Variants in ZNF646 observed in about 807,000 individuals in gnomAD.
ZNF646 encodes zinc finger protein 646.
In ZNF646, 49 loss-of-function variants were observed where a neutral mutation model predicts 115.4. That is an observed-to-expected ratio of 0.42 (90% CI 0.34 to 0.54). ZNF646 has a LOEUF of 0.54. Among genes scored for constraint, ZNF646 ranks in the 20% least tolerant of loss-of-function variants. The pLI, the probability that ZNF646 is intolerant of heterozygous loss-of-function variation, is 0.04. For missense variants in ZNF646, 2,269 were observed against 2,457.9 expected, an observed-to-expected ratio of 0.92 and a Z score of 1.62; for synonymous variants, 933 against 939.0, an observed-to-expected ratio of 0.99 and a Z score of 0.12.
In ZNF646 at chr16:31,080,545, G is replaced by C; in HGVS notation, c.4221G>C (p.Glu1407Asp). The change falls in exon 2 of 3, where the codon GAG becomes GAC. Residue 1407 changes from glutamate to aspartate, a missense_variant. Physicochemically the swap from Glu to Asp is conservative, Grantham distance 45. Coordinates refer to ENST00000300850, the MANE Select transcript of ZNF646 (RefSeq NM_014699.4). ...QGGLDGTAAS[E>D]ANLTGSQGLE... Reference sequence around the variant, plus strand: ...GCCTGGATGGCACAGCGGCCAGTGAGGCGAACCTGACTGGCAGCCAGGGAC... The same window carrying C: ...GCCTGGATGGCACAGCGGCCAGTGACGCGAACCTGACTGGCAGCCAGGGAC... 1 of 1,614,090 alleles carries C rather than the reference G, an allele frequency of 6.2e-7. No homozygotes were observed. Among genetic ancestry groups the C allele is most frequent in the Non-Finnish European group, 8.5e-7 (1 of 1,180,038 alleles).
At chr16:31,074,775 A>C (rs998809575) in intron 1 of ZNF646, 144 bp downstream of exon 1, 1 of 152,142 alleles carries the variant, frequency 6.6e-6, no homozygotes, top group Non-Finnish European at 1.5e-5. Context: ...AGAGGACTTC[A>C]TTGGTGGTTG....
Position 31,079,587 on chromosome 16 carries a change from A to G in ZNF646, c.3263A>G (p.Tyr1088Cys). ...DFLCPVCSRC[Y>C]PNLAAYRNHL... ...CTCTGCCCTGTCTGCTCCCGCTGCT[A>G]CCCCAACCTGGCTGCCTACCGTAAT... is the stretch of plus-strand genomic sequence containing the variant. The change falls in exon 2 of 3, where the codon TAC (tyrosine) becomes TGC (cysteine). Residue 1088 changes from tyrosine (Y) to cysteine (C), a missense_variant. By Grantham distance (194) the Tyr-to-Cys change is radical. Around this residue, in one of 5 missense-constraint regions of ZNF646, gnomAD observed 1,062 missense variants for 1,172.8 expected, o/e 0.91. Transcript: ENST00000300850. The surrounding 1 kb of genome is among the most constrained non-coding windows in gnomAD (Gnocchi z 5.5). The G allele has an allele frequency of 1.9e-6, 3 of 1,613,176 alleles. No individual in the cohort carries two copies. The highest frequency in any genetic ancestry group is 1.3e-5 in the African/African-American group (1 of 74,944).
chr16:31,075,732 G>A (rs781754742), intron 1 of ZNF646, among the ~76,000 whole-genome samples: 2 of 152,142 alleles, frequency 1.3e-5, no homozygotes, highest in Non-Finnish European at 2.9e-5. Flanking sequence ...CTCCTCTCAG[G>A]TCCTCAGCTA....
chr16:31,080,947 C>T lies in ZNF646; in HGVS notation c.4623C>T (p.Cys1541=). 2 of 1,614,124 alleles carry T rather than the reference C, an allele frequency of 1.2e-6. No homozygotes were observed. The highest frequency in any genetic ancestry group is 8.5e-7 in the Non-Finnish European group (1 of 1,180,034). The change falls in exon 2 of 3, where the codon TGC becomes TGT. Residue 1541 remains cysteine (C), a synonymous_variant. Transcript: ENST00000300850. The part of the protein sequence containing the change: ...SSCSQCGKTY[C]QSGSLLNHNT... Reference sequence around the variant, plus strand: ...GCAGCCAGTGTGGCAAGACTTACTGCCAGTCAGGCAGCCTCTTGAACCACA... The same window carrying T: ...GCAGCCAGTGTGGCAAGACTTACTGTCAGTCAGGCAGCCTCTTGAACCACA...
chr16:31,076,847 G>A lies in ZNF646; in HGVS notation c.523G>A (p.Ala175Thr), dbSNP rs1209327925. 2 of 1,614,150 alleles carry A rather than the reference G, an allele frequency of 1.2e-6. No homozygotes were observed. Among genetic ancestry groups the A allele is most frequent in the Non-Finnish European group, 1.7e-6 (2 of 1,180,036 alleles). ...DLPTRQREGL[A>T]SHPGPEDGAD... ...GCCCACCAGACAAAGAGAAGGCTTGGCAAGCCACCCAGGTCCTGAGGATGG... is the reference window on the plus strand; with the variant it reads ...GCCCACCAGACAAAGAGAAGGCTTGACAAGCCACCCAGGTCCTGAGGATGG... The change falls in exon 2 of 3, where the codon GCA (alanine) becomes ACA (threonine). Residue 175 changes from alanine to threonine, a missense_variant. Transcript: ENST00000300850.
rs545443233 is a variant in ZNF646, at chr16:31,080,199, C to G, written c.3875C>G (p.Ala1292Gly). ...CGTGGGGGTGGGGGCACCCGAAAGG[C>G]GACTCGGGAAGATCGGCCCTTCCGC... ...ERRGGGGTRKATREDRPFRCG... is the reference protein window; with the variant it reads ...ERRGGGGTRKGTREDRPFRCG... The change falls in exon 2 of 3, where the codon GCG becomes GGG. Residue 1292 changes from alanine to glycine, a missense_variant. Physicochemically the swap from Ala to Gly is moderately conservative, Grantham distance 60. Coordinates refer to ENST00000300850, the MANE Select transcript of ZNF646 (RefSeq NM_014699.4). 1 of 1,608,448 alleles carries G rather than the reference C, an allele frequency of 6.2e-7. No homozygotes were observed. The highest frequency in any genetic ancestry group is 8.5e-7 in the Non-Finnish European group (1 of 1,177,014).
At position 31,076,281 on chromosome 16, in the gene ZNF646, G is replaced by C. The variant is rs546555803; in HGVS notation, c.-44G>C. On this transcript the variant is annotated 5_prime_UTR_variant, in exon 2 of 3. Transcript: ENST00000300850. Reference sequence around the variant, plus strand: ...CTCCACCAGAGGAAGGTGCTGCCACGTGTCTGCTCCTTCTGAACCTCCAGG... The same window carrying C: ...CTCCACCAGAGGAAGGTGCTGCCACCTGTCTGCTCCTTCTGAACCTCCAGG... The C allele has an allele frequency of 1.2e-5, 18 of 1,557,198 alleles. No individual in the cohort carries two copies. The highest frequency in any genetic ancestry group is 1.4e-5 in the African/African-American group (1 of 73,422).
chr16:31,077,230 C>T lies in ZNF646; in HGVS notation c.906C>T (p.Val302=). The T allele has an allele frequency of 3.1e-6, 5 of 1,614,136 alleles. No individual in the cohort carries two copies. Among genetic ancestry groups the T allele is most frequent in the South Asian group, 2.2e-5 (2 of 91,088 alleles). The change falls in exon 2 of 3, where the codon GTC becomes GTT. Residue 302 remains valine (V), a synonymous_variant. Transcript: ENST00000300850. The part of the protein sequence containing the change: ...RPYHCPHCPR[V]FRLPRELLEH... ...ACCACTGTCCCCACTGCCCCCGTGT[C>T]TTCCGGCTCCCCCGGGAGCTGCTGG...
intron 2 of ZNF646, chr16:31,082,038 C>T (rs981171604): frequency 4.6e-6 from 2 of 432,680 alleles, no homozygotes; most frequent in African/African-American, 2.0e-5. Flanking sequence ...GCTGCTGTGT[C>T]TGGAAACCCT....
rs1232394230 is a variant in ZNF646 at position 31,076,825 on chromosome 16, C to T, written c.501C>T (p.Pro167=). 1.2e-6 allele frequency: 2 copies of T among 1,614,106 alleles called. No homozygotes were observed. The highest frequency in any genetic ancestry group is 1.1e-5 in the South Asian group (1 of 91,084). The change falls in exon 2 of 3, where the codon CCC becomes CCT. Residue 167 remains proline (P), a synonymous_variant. Coordinates refer to ENST00000300850, the MANE Select transcript of ZNF646 (RefSeq NM_014699.4). The stretch of plus-strand genomic sequence containing the variant: ...CTTCGGGTACGTGGGAAGATCTGCC[C>T]ACCAGACAAAGAGAAGGCTTGGCAA... The part of the protein sequence containing the change: ...RAASGTWEDL[P]TRQREGLASH...
At position 31,078,477 on chromosome 16, in the gene ZNF646, G is replaced by C. The variant is rs1398010938; in HGVS notation, c.2153G>C (p.Gly718Ala). Residue 718 changes from glycine (G) to alanine (A), a missense_variant, in exon 2 of 3, where the codon GGG becomes GCG. Physicochemically the swap from Gly to Ala is moderately conservative, Grantham distance 60 (BLOSUM62 0). This residue lies in a region of ZNF646 where 852 missense variants were observed against 900.2 expected (regional missense o/e 0.95). Coordinates refer to ENST00000300850, the MANE Select transcript of ZNF646 (RefSeq NM_014699.4). ...GACCCTTCAGGGGAAAGTCCTCATG[G>C]GGCTGAAGGCAACCTGGAAAGTGAT... ...PQDPSGESPHGAEGNLESDGD... is the reference protein window; with the variant it reads ...PQDPSGESPHAAEGNLESDGD... The C allele has an allele frequency of 1.3e-6, 2 of 1,589,084 alleles. No individual in the cohort carries two copies. Among genetic ancestry groups the C allele is most frequent in the South Asian group, 2.3e-5 (2 of 87,838 alleles).
In ZNF646 at chr16:31,077,821, C is replaced by T; in HGVS notation, c.1497C>T (p.Arg499=). Residue 499 remains arginine (R), a synonymous_variant, in exon 2 of 3, where the codon CGC becomes CGT. Transcript: ENST00000300850. The part of the protein sequence containing the change: ...TGEYQCSLCP[R]KYPNLMALRN... ...AGTACCAGTGCTCACTCTGTCCCCG[C>T]AAGTACCCCAATCTCATGGCCCTGC... 6.2e-7 allele frequency: 1 copy of T among 1,613,918 alleles called. No homozygotes were observed. Among genetic ancestry groups the T allele is most frequent in the South Asian group, 1.1e-5 (1 of 91,086 alleles).
Position 31,076,490 on chromosome 16 carries a change from GGCTACCGTCACCCCGGGA to G in ZNF646, c.169_186del (p.Tyr57_Ser62del). 1 of 1,613,944 alleles carries G rather than the reference GGCTACCGTCACCCCGGGA, an allele frequency of 6.2e-7. No individual in the cohort carries two copies. On this transcript the variant is annotated inframe_deletion, in exon 2 of 3. Transcript: ENST00000300850. ...CTACCGTTGTCAGCAGTGTGGGCGG[GGCTACCGTCACCCCGGGA>G]GCCTGGTTAACCATCGTCGGACCCA...
At position 31,077,700 on chromosome 16, in the gene ZNF646, C is replaced by T. The variant is rs1330819655; in HGVS notation, c.1376C>T (p.Thr459Ile). Residue 459 changes from threonine (T) to isoleucine (I), a missense_variant, in exon 2 of 3, where the codon ACC (threonine) becomes ATC (isoleucine). By Grantham distance (89) the Thr-to-Ile change is moderately conservative. Coordinates refer to ENST00000300850, the MANE Select transcript of ZNF646 (RefSeq NM_014699.4). ...AAAGAGGAAGAGGACCCCACCACCA[C>T]CCTGGACCATCGGCCCTATAAGTGC... ...THKEEEDPTT[T>I]LDHRPYKCSE... The T allele has an allele frequency of 6.2e-7, 1 of 1,613,972 alleles. No homozygotes were observed. Among genetic ancestry groups the T allele is most frequent in the African/African-American group, 1.3e-5 (1 of 74,940 alleles).
upstream of ZNF646, chr16:31,074,274 A>G (rs2057046693): frequency 6.6e-6 from 1 of 152,332 alleles, no homozygotes; most frequent in South Asian, 2.1e-4. Context: ...GTTGTGACCT[A>G]CGTGGGCGGA....
chr16:31,077,975 G>T lies in ZNF646; in HGVS notation c.1651G>T (p.Asp551Tyr). ...PVEAEAAPHT[D>Y]QDHVCKHEEE... ...GGAGGCAGAGGCAGCCCCGCACACAGATCAGGACCATGTGTGCAAACATGA... is the reference window on the plus strand; with the variant it reads ...GGAGGCAGAGGCAGCCCCGCACACATATCAGGACCATGTGTGCAAACATGA... Residue 551 changes from aspartate (D) to tyrosine (Y), a missense_variant, in exon 2 of 3, where the codon GAT becomes TAT. Around this residue, in one of 5 missense-constraint regions of ZNF646, gnomAD observed 852 missense variants for 900.2 expected, o/e 0.95. Transcript: ENST00000300850. 6.2e-7 allele frequency: 1 copy of T among 1,613,996 alleles called. No individual in the cohort carries two copies. Among genetic ancestry groups the T allele is most frequent in the Non-Finnish European group, 8.5e-7 (1 of 1,180,046 alleles).
chr16:31,081,092 T>C lies in ZNF646; in HGVS notation c.4768T>C (p.Cys1590Arg), dbSNP rs771369670. Residue 1590 changes from cysteine (C) to arginine (R), a missense_variant, in exon 2 of 3, where the codon TGT becomes CGT. By Grantham distance (180) the Cys-to-Arg change is radical. This residue lies in a region of ZNF646 where 1,062 missense variants were observed against 1,172.8 expected (regional missense o/e 0.91). Transcript: ENST00000300850. The part of the protein sequence containing the change: ...IDAQTFACPD[C>R]GKAFESHQEL... ...CGCCCAGACCTTTGCCTGTCCTGAC[T>C]GTGGCAAAGCCTTTGAGTCCCACCA... The C allele has an allele frequency of 3.7e-6, 6 of 1,613,558 alleles. No homozygotes were observed. The African/African-American group carries it at 6.7e-5, about 18-fold the overall frequency.
Position 31,078,337 on chromosome 16 carries a change from C to T in ZNF646, c.2013C>T (p.Ser671=), listed in dbSNP as rs372567750. The T allele has an allele frequency of 3.1e-6, 5 of 1,613,432 alleles. No individual in the cohort carries two copies. In the African/African-American group the frequency reaches 4.0e-5, roughly 13 times the overall value. The change falls in exon 2 of 3, where the codon AGC becomes AGT. Residue 671 remains serine (S), a synonymous_variant. Coordinates refer to ENST00000300850, the MANE Select transcript of ZNF646 (RefSeq NM_014699.4). ...TGCGCCGGCACAGTCGGCGGCGGAG[C>T]AGGCGGCATCGGAAGCGGGCTGGCG... The part of the protein sequence containing the change: ...NHLRRHSRRR[S]RRHRKRAGGA...
rs749670 is a variant in ZNF646 at position 31,077,304 on chromosome 16, A to G, written c.980A>G (p.Glu327Gly). ...GAAAGGCAGGAGCCACGCTGGGAGG[A>G]GAAAGGGATGCCCACCACCAATGGG... is the stretch of plus-strand genomic sequence containing the variant. ...EGERQEPRWE[E>G]KGMPTTNGHT... Residue 327 changes from glutamate to glycine, a missense_variant, in exon 2 of 3, where the codon GAG becomes GGG. Physicochemically the swap from Glu to Gly is moderately conservative, Grantham distance 98. This residue lies in a region of ZNF646 where 852 missense variants were observed against 900.2 expected (regional missense o/e 0.95). Coordinates refer to ENST00000300850, the MANE Select transcript of ZNF646 (RefSeq NM_014699.4). 0.37 allele frequency: 602,596 copies of G among 1,612,972 alleles called. 125,382 individuals carry two copies. Among genetic ancestry groups the G allele is most frequent in the East Asian group, 0.9 (40,401 of 44,792 alleles).
Sources: gnomAD v4.1 joint callset for allele counts (sites outside exome capture counted in the v4.1 genomes callset) on GRCh38, gnomAD v4.1.1 for gene constraint, gnomAD v4.1.1 regional missense constraint, Gnocchi (gnomAD v3.1) non-coding constraint, MANE v1.5 for transcripts, NCBI Gene and HGNC (gene_info 2026-07-23, HGNC 2026-07-21) for gene names.